The following PCDHA2 variants were observed in gnomAD, a reference collection of about 807,000 sequenced individuals.
PCDHA2 encodes protocadherin alpha 2.
In PCDHA2, 58 loss-of-function variants were observed where a neutral mutation model predicts 66.0. The ratio of observed to expected loss-of-function variants is 0.88; its 90% confidence interval spans 0.71 to 1.09. PCDHA2 has a LOEUF of 1.09. Among genes scored for constraint, PCDHA2 ranks in the 50% least tolerant of loss-of-function variants. The pLI, the probability that PCDHA2 is intolerant of heterozygous loss-of-function variation, is 0.00. For missense variants in PCDHA2, 1,267 were observed against 1,242.3 expected (o/e 1.02, Z -0.30); for synonymous variants, 634 against 554.0 (o/e 1.14, Z -2.03).
chr5:140,967,670 G>A (rs1554229754), intron 1 of PCDHA2: 1 of 1,614,092 alleles, frequency 6.2e-7, no homozygotes, highest in Non-Finnish European at 8.5e-7. Flanking sequence ...CTACACGTCG[G>A]ACCGGGAGAG....
rs369536692 is a variant in PCDHA2 at position 140,876,705 on chromosome 5, C to T, written c.2388+79353C>T. The T allele has an allele frequency of 2.0e-5, 33 of 1,614,240 alleles. No individual in the cohort carries two copies. In the African/African-American group the frequency reaches 3.3e-4, roughly 16 times the overall value. ...ATTACTACTCGTTGGTGCTGGACAG[C>T]GCCCTGGACCGCGAGAGCGTGTCGG... On this transcript the variant is annotated intron_variant, in intron 1 of 3. Transcript: ENST00000526136.
intron 1 of PCDHA2, chr5:140,849,720 C>T (rs1184011333): frequency 1.3e-6 from 2 of 1,598,576 alleles, no homozygotes; most frequent in Admixed American, 1.7e-5. Context: ...CTCGTTGGTG[C>T]TGGACAGAGC....
intron 3 of PCDHA2, among the ~76,000 whole-genome samples, chr5:141,007,393 TAC>T (rs2098323171): frequency 8.5e-5 from 2 of 23,408 alleles, no homozygotes; most frequent in East Asian, 1.4e-3. Flanking sequence ...TCTACTAAAA[TAC>T]AAAAAAAAAA....
intron 1 of PCDHA2, among the ~76,000 whole-genome samples, chr5:140,923,177 A>G (rs1325033307): frequency 2.0e-5 from 3 of 152,174 alleles, no homozygotes; most frequent in African/African-American, 7.2e-5. Context: ...TTTTGTTCAG[A>G]TGCATCTACT....
At chr5:140,811,302 T>C (rs1303740185) in intron 1 of PCDHA2, 1 of 152,298 alleles carries the variant, frequency 6.6e-6, no homozygotes, top group Non-Finnish European at 1.5e-5. Context: ...AATGACGGTT[T>C]CCAGCTTCAT....
chr5:140,873,995 GT>G (rs1354813199), intron 1 of PCDHA2, among the ~76,000 whole-genome samples: 2 of 152,166 alleles, frequency 1.3e-5, no homozygotes, highest in African/African-American at 4.8e-5. Context: ...AGCATGTATG[GT>G]ACATTGACCA....
chr5:141,009,233 T>C (rs2098403082), intron 3 of PCDHA2, among the ~76,000 whole-genome samples: 1 of 152,184 alleles, frequency 6.6e-6, no homozygotes, highest in Non-Finnish European at 1.5e-5. Context: ...GGTGGGAGGA[T>C]CTCTTGAGCT....
At chr5:140,939,441 T>A (rs1471285631) in intron 1 of PCDHA2, among the ~76,000 whole-genome samples, 1 of 152,274 alleles carries the variant, frequency 6.6e-6, no homozygotes, top group East Asian at 1.9e-4. Flanking sequence ...TTTGAAGAAT[T>A]AAGAGTGAAA....
chr5:140,871,103 C>T lies in PCDHA2; in HGVS notation c.2388+73751C>T, dbSNP rs202137231. On this transcript the variant is annotated intron_variant, in intron 1 of 3. Coordinates refer to ENST00000526136, the MANE Select transcript of PCDHA2 (RefSeq NM_018905.3). Reference sequence around the variant, plus strand: ...ACGGCCACGGCCACCGTGCTGGTGTCGTTGGTGGAGAGCGGACAGGCGCCA... The same window carrying T: ...ACGGCCACGGCCACCGTGCTGGTGTTGTTGGTGGAGAGCGGACAGGCGCCA... 4 of 1,613,290 alleles carry T rather than the reference C, an allele frequency of 2.5e-6. No individual in the cohort carries two copies. The Admixed American group carries it at 5.0e-5, about 20-fold the overall frequency.
chr5:140,806,670 C>A (rs912228028), intron 1 of PCDHA2, among the ~76,000 whole-genome samples: 1 of 152,020 alleles, frequency 6.6e-6, no homozygotes, highest in African/African-American at 2.4e-5. Flanking sequence ...TAAAAAAAAA[C>A]CCTGGAATTC....
chr5:140,797,291 T>C lies in PCDHA2; in HGVS notation c.2327T>C (p.Leu776Ser), dbSNP rs567979520. The C allele has an allele frequency of 2.8e-5, 46 of 1,614,228 alleles. No individual in the cohort carries two copies. The East Asian group carries it at 8.9e-4, about 31-fold the overall frequency. ...KTDLMAFSPS[L>S]SQGPDSAEEK... ...GACCTCATGGCCTTCAGCCCTAGCTTATCTCAAGGTCCAGACTCCGCAGAA... is the reference window on the plus strand; with the variant it reads ...GACCTCATGGCCTTCAGCCCTAGCTCATCTCAAGGTCCAGACTCCGCAGAA... Residue 776 changes from leucine to serine, a missense_variant, in exon 1 of 4, where the codon TTA becomes TCA. By Grantham distance (145) the Leu-to-Ser change is moderately radical (BLOSUM62 -2). Transcript: ENST00000526136.
In PCDHA2 at chr5:140,875,591, A is replaced by G. The variant is rs1438500941; in HGVS notation, c.2388+78239A>G. ...CACTACTCCGTCTACGAGGAGGCCAAACACGGCACCTTCGTGGGCCGCATC... is the reference window on the plus strand; with the variant it reads ...CACTACTCCGTCTACGAGGAGGCCAGACACGGCACCTTCGTGGGCCGCATC... On this transcript the variant is annotated intron_variant, in intron 1 of 3. Coordinates refer to ENST00000526136, the MANE Select transcript of PCDHA2 (RefSeq NM_018905.3). The G allele has an allele frequency of 9.3e-6, 15 of 1,613,878 alleles. No homozygotes were observed. The highest frequency in any genetic ancestry group is 1.7e-5 in the Admixed American group (1 of 60,004).
At position 140,848,602 on chromosome 5, in the gene PCDHA2, C is replaced by T. The variant is rs140949600; in HGVS notation, c.2388+51250C>T. 50 of 1,593,476 alleles carry T rather than the reference C, an allele frequency of 3.1e-5. 3 individuals carry two copies. The African/African-American group carries it at 6.1e-4, about 19-fold the overall frequency. On this transcript the variant is annotated intron_variant, in intron 1 of 3. Transcript: ENST00000526136. ...AGCGGCCAGCTCCACTACTCCGTCC[C>T]GGAGGAAGCCGAACACGGCACCTTC...
At chr5:140,889,213 G>A (rs1463412254) in intron 1 of PCDHA2, among the ~76,000 whole-genome samples, 1 of 151,602 alleles carries the variant, frequency 6.6e-6, no homozygotes, top group African/African-American at 2.4e-5. Context: ...TAACAAAGAA[G>A]AATAGTCTTT....
At chr5:140,830,805 C>A (rs1771253279) in intron 1 of PCDHA2, 1 of 158,172 alleles carries the variant, frequency 6.3e-6, no homozygotes, top group Non-Finnish European at 1.4e-5. Flanking sequence ...ATGGGATTTT[C>A]ATTTGTTTGC....
rs2150125952 is a variant in PCDHA2 at position 140,823,456 on chromosome 5, G to C, written c.2388+26104G>C. On this transcript the variant is annotated intron_variant, in intron 1 of 3. Transcript: ENST00000526136. ...GTTCGTGCTGGACGAGAACGACAAC[G>C]CGCCGGCGCTGCTGGTGCCTCGAGT... is the stretch of plus-strand genomic sequence containing the variant. The C allele has an allele frequency of 1.2e-6, 2 of 1,613,302 alleles. No individual in the cohort carries two copies. Among genetic ancestry groups the C allele is most frequent in the African/African-American group, 2.7e-5 (2 of 74,924 alleles).
chr5:140,851,715 G>C, intron 1 of PCDHA2: 1 of 964,012 alleles, frequency 1.0e-6, no homozygotes, highest in Non-Finnish European at 1.3e-6. Context: ...GTGAAGATTC[G>C]AAACTTCGAG....
intron 1 of PCDHA2, chr5:140,875,895 T>C (rs2153332421): frequency 1.2e-6 from 2 of 1,614,196 alleles, no homozygotes; most frequent in Non-Finnish European, 1.7e-6. Flanking sequence ...AAAAGGTACC[T>C]GTTTCTGAAT....
rs10602499 is a variant in PCDHA2 at position 140,992,017 on chromosome 5, C to CTGTGTGTGTG, written c.2536+9482_2536+9491dup. Among the ~76,000 whole-genome samples, 121 of 145,620 alleles carry CTGTGTGTGTG rather than the reference C, an allele frequency of 8.3e-4. 2 individuals are homozygous for CTGTGTGTGTG. The highest frequency in any genetic ancestry group is 3.5e-3 in the Middle Eastern group (1 of 288). ...CTTTCATGTTCAGGCAGAGGTGGCT[C>CTGTGTGTGTG]TGTGTGTGTGTGTGTGTGTGTGTGT... On this transcript the variant is annotated intron_variant, in intron 3 of 3. Transcript: ENST00000526136.
Sources: allele counts gnomAD v4.1 joint callset (sites outside exome capture counted in the v4.1 genomes callset), GRCh38; gene constraint gnomAD v4.1.1; transcripts MANE v1.5; gene names NCBI Gene and HGNC (gene_info 2026-07-23, HGNC 2026-07-21).